The following DNAH9 variants were observed in gnomAD, a reference collection of about 807,000 sequenced individuals.
DNAH9 encodes dynein axonemal heavy chain 9.
In DNAH9, 345 loss-of-function variants were observed where a neutral mutation model predicts 471.6. The observed-to-expected ratio is 0.73, with a 90% CI of 0.67 to 0.80. DNAH9 has a LOEUF of 0.80. Among genes scored for constraint, DNAH9 ranks in the 30% least tolerant of loss-of-function variants. The pLI, the probability that DNAH9 is intolerant of heterozygous loss-of-function variation, is 0.00. For synonymous variants in DNAH9, 2,093 were observed against 2,123.6 expected, an observed-to-expected ratio of 0.99 and a Z score of 0.40; for missense variants, 5,407 against 5,609.2, an observed-to-expected ratio of 0.96 and a Z score of 1.15.
At chr17:11,763,212 T>G (rs903747664) in intron 35 of DNAH9, among the ~76,000 whole-genome samples, 1 of 151,942 alleles carries the variant, frequency 6.6e-6, no homozygotes, top group African/African-American at 2.4e-5. Context: ...GGAAAGGAGA[T>G]GAGAAAGTCC....
rs1285855631 is a variant in DNAH9 at position 11,881,113 on chromosome 17, A to C, written c.10602-96A>C. 3 of 1,120,686 alleles carry C rather than the reference A, an allele frequency of 2.7e-6. No homozygotes were observed. In the Admixed American group the frequency reaches 5.3e-5, roughly 20 times the overall value. 69.4% of individuals were successfully genotyped at this position (1,120,686 alleles called of 1,614,324 possible). A position where few individuals can be genotyped will look rare whatever the true frequency, so the allele number is the denominator to read the frequency against. Reference sequence around the variant, plus strand: ...CCTAGACATAGGAGGAATCCATCTGAATATAGCAATATTGTTTGAAAAAAA... The same window carrying C: ...CCTAGACATAGGAGGAATCCATCTGCATATAGCAATATTGTTTGAAAAAAA... On this transcript the variant is annotated intron_variant, in intron 54 of 68. Transcript: ENST00000262442.
At chr17:11,743,904 G>T (rs746085718) in intron 30 of DNAH9, among the ~76,000 whole-genome samples, 9 of 150,352 alleles carry the variant, frequency 6.0e-5, no homozygotes, top group Non-Finnish European at 1.2e-4. Flanking sequence ...ATCTCGGCTC[G>T]CTGCAACCTC....
intron 49 of DNAH9, among the ~76,000 whole-genome samples, chr17:11,839,017 T>A (rs1970940562): frequency 6.6e-6 from 1 of 152,192 alleles, no homozygotes; most frequent in Admixed American, 6.5e-5. Flanking sequence ...TTTTGGCAGT[T>A]TTATTTTGTT....
At chr17:11,863,084 T>A (rs965779310) in intron 50 of DNAH9, among the ~76,000 whole-genome samples, 13 of 152,248 alleles carry the variant, frequency 8.5e-5, no homozygotes, top group African/African-American at 3.1e-4. Context: ...AGAGAGGGCG[T>A]TCCTGTCTTG....
intron 1 of DNAH9, among the ~76,000 whole-genome samples, chr17:11,603,071 CAGTT>C (rs892519206): frequency 6.6e-6 from 1 of 152,190 alleles, no homozygotes; most frequent in South Asian, 2.1e-4. Context: ...ATGTCATACT[CAGTT>C]GGTGCAACCA....
intron 67 of DNAH9, among the ~76,000 whole-genome samples, chr17:11,943,784 G>A (rs1331749136): frequency 1.3e-5 from 2 of 152,204 alleles, no homozygotes; most frequent in Non-Finnish European, 2.9e-5. Context: ...AGGAAATAAG[G>A]AAGGAGAGAC....
chr17:11,893,583 G>C (rs1330412706), intron 58 of DNAH9, among the ~76,000 whole-genome samples: 1 of 152,114 alleles, frequency 6.6e-6, no homozygotes, highest in African/African-American at 2.4e-5. Context: ...GATGAAGCTG[G>C]AAACCATCAT....
Position 11,629,497 on chromosome 17 carries a change from G to A in DNAH9, c.1431G>A (p.Gln477=), listed in dbSNP as rs756414051. Residue 477 remains glutamine (Q), a synonymous_variant, in exon 7 of 69, where the codon CAG becomes CAA. Coordinates refer to ENST00000262442, the MANE Select transcript of DNAH9 (RefSeq NM_001372.4). ...FSGVRGNALS[Q]QVQQMHEEFQ... ...GCGTCAGAGGGAATGCTCTGAGTCA[G>A]CAGGTCCAGCAAATGCATGAAGAAT... The A allele has an allele frequency of 1.5e-5, 24 of 1,614,012 alleles. No individual in the cohort carries two copies. In the South Asian group the frequency reaches 2.5e-4, roughly 17 times the overall value.
At chr17:11,814,570 G>A (rs568613985) in intron 45 of DNAH9, among the ~76,000 whole-genome samples, 1 of 152,326 alleles carries the variant, frequency 6.6e-6, no homozygotes, top group Admixed American at 6.5e-5. Context: ...TGCATGCTCA[G>A]TCACTAGGTA....
chr17:11,857,691 T>A (rs936883819), intron 50 of DNAH9, among the ~76,000 whole-genome samples: 1 of 152,214 alleles, frequency 6.6e-6, no homozygotes, highest in African/African-American at 2.4e-5. Flanking sequence ...TGAATTGTAA[T>A]CCCCAGTGCC....
chr17:11,652,677 A>G, intron 13 of DNAH9, 84 bp from the exon 14 acceptor site: 3 of 1,295,506 alleles, frequency 2.3e-6, no homozygotes, highest in East Asian at 2.3e-5. Context: ...CGCAAGTATT[A>G]AATCCCTGTC....
intron 26 of DNAH9, among the ~76,000 whole-genome samples, chr17:11,705,772 G>A: frequency 6.6e-6 from 1 of 152,102 alleles, no homozygotes; most frequent in East Asian, 1.9e-4. Context: ...TACTCAAGAT[G>A]ATGAATAACT....
chr17:11,871,861 G>T, intron 52 of DNAH9, 75 bp downstream of exon 52: 1 of 1,494,022 alleles, frequency 6.7e-7, no homozygotes, highest in Non-Finnish European at 9.2e-7. Flanking sequence ...GTCATAATTC[G>T]CATCCTCTGG....
At chr17:11,625,837 A>T (rs1029952563) in intron 6 of DNAH9, among the ~76,000 whole-genome samples, 3 of 152,080 alleles carry the variant, frequency 2.0e-5, no homozygotes, top group African/African-American at 7.2e-5. Flanking sequence ...TCCCCTCTGT[A>T]CCCCATTACA....
At chr17:11,831,089 T>C (rs1258724146) in intron 48 of DNAH9, among the ~76,000 whole-genome samples, 1 of 152,214 alleles carries the variant, frequency 6.6e-6, no homozygotes, top group Non-Finnish European at 1.5e-5. Context: ...TGGATGACTA[T>C]ATGGACACAG....
chr17:11,624,797 T>A (rs954073672), intron 6 of DNAH9, among the ~76,000 whole-genome samples: 4 of 152,142 alleles, frequency 2.6e-5, no homozygotes, highest in South Asian at 4.1e-4. Context: ...ACTGGTTTTG[T>A]GGTTTTATTC....
In DNAH9 at chr17:11,929,897, C is replaced by T. The variant is rs1466885283; in HGVS notation, c.11909C>T (p.Thr3970Ile). Residue 3970 changes from threonine to isoleucine, a missense_variant, in exon 63 of 69, where the codon ACC becomes ATC. By Grantham distance (89) the Thr-to-Ile change is moderately conservative. Around this residue, in one of 3 missense-constraint regions of DNAH9, gnomAD observed 4,636 missense variants for 4,900.3 expected, o/e 0.95. Transcript: ENST00000262442. ...NIHLVAKWLSTLEKKLEEHSE... is the reference protein window; with the variant it reads ...NIHLVAKWLSILEKKLEEHSE... ...CACCTGGTGGCCAAGTGGCTCAGCACCCTGGAGAAGAAGCTGGAGGAGCAC... is the reference window on the plus strand; with the variant it reads ...CACCTGGTGGCCAAGTGGCTCAGCATCCTGGAGAAGAAGCTGGAGGAGCAC... 1.9e-6 allele frequency: 3 copies of T among 1,613,966 alleles called. No individual in the cohort carries two copies. The highest frequency in any genetic ancestry group is 8.5e-7 in the Non-Finnish European group (1 of 1,179,962).
chr17:11,822,606 G>A lies in DNAH9; in HGVS notation c.9012+7G>A. 6.2e-7 allele frequency: 1 copy of A among 1,613,892 alleles called. No individual in the cohort carries two copies. On this transcript the variant is annotated splice_region_variant and intron_variant, in intron 47 of 68. Transcript: ENST00000262442. ...GAACACAGAGGGCATTGAGGTGAGA[G>A]AGAAAAGGAGACACTCCTAAAAGTC...
intron 61 of DNAH9, among the ~76,000 whole-genome samples, chr17:11,920,952 C>T (rs1974118544): frequency 6.6e-6 from 1 of 152,050 alleles, no homozygotes; most frequent in Admixed American, 6.6e-5. Flanking sequence ...ACCAGCCTGG[C>T]CAACATAGTG....
Sources: allele counts gnomAD v4.1 joint callset (sites outside exome capture counted in the v4.1 genomes callset), GRCh38; gene constraint gnomAD v4.1.1; regional missense constraint gnomAD v4.1.1; transcripts MANE v1.5; gene names NCBI Gene and HGNC (gene_info 2026-07-23, HGNC 2026-07-21).